The following GPHN variants were observed in gnomAD, a reference collection of about 807,000 sequenced individuals.
The protein encoded by GPHN is gephyrin.
GPHN carries 17 observed loss-of-function variants against 95.5 expected under a neutral mutation model. The observed-to-expected ratio is 0.18, with a 90% confidence interval of 0.12 to 0.27. The LOEUF is 0.27. Among genes scored for constraint, GPHN ranks in the 10% least tolerant of loss-of-function variants. The pLI is 1.00. For synonymous variants in GPHN, 320 were observed against 322.5 expected, an observed-to-expected ratio of 0.99 and a Z score of 0.08; for missense variants, 660 against 978.1, an observed-to-expected ratio of 0.67 and a Z score of 4.34.
At chr14:67,147,009 G>A (rs2080936920) in intron 18 of GPHN, among the ~76,000 whole-genome samples, 1 of 152,114 alleles carries the variant, frequency 6.6e-6, no homozygotes, top group Non-Finnish European at 1.5e-5. Context: ...CTCCTGCATG[G>A]GTGACAGAGG....
chr14:67,659,622 CAA>C, the GPHN span: 1 of 1,118,940 alleles, frequency 8.9e-7, no homozygotes, highest in African/African-American at 1.6e-5. Flanking sequence ...AAAAATGAAA[CAA>C]GAGTCTAGTA....
the GPHN span, chr14:67,542,077 G>A: frequency 7.8e-7 from 1 of 1,285,604 alleles, no homozygotes; most frequent in East Asian, 2.7e-5. Flanking sequence ...GAGAGTTGCG[G>A]AAAGTCAACT....
intron 10 of GPHN, among the ~76,000 whole-genome samples, chr14:67,041,450 G>C (rs534730696): frequency 6.6e-6 from 1 of 151,854 alleles, no homozygotes; most frequent in East Asian, 1.9e-4. Flanking sequence ...TCCCACTTAG[G>C]AGTGAGAACA....
At chr14:66,933,510 A>T (rs1311097191) in intron 8 of GPHN, among the ~76,000 whole-genome samples, 1 of 152,230 alleles carries the variant, frequency 6.6e-6, no homozygotes, top group Middle Eastern at 3.2e-3. Context: ...TCAGCTGGTC[A>T]CAATCTGAGG....
the GPHN span, chr14:67,593,915 A>G: frequency 1.2e-6 from 2 of 1,613,452 alleles, no homozygotes; most frequent in Non-Finnish European, 1.7e-6. Flanking sequence ...CAGACCTAAG[A>G]GGGTGATGAA....
At position 67,180,884 on chromosome 14, in the gene GPHN, G is replaced by T; in HGVS notation, c.2257G>T (p.Val753Leu). The change falls in exon 23 of 23, where the codon GTG becomes TTG. Residue 753 changes from valine to leucine, a missense_variant. This residue lies in a region of GPHN where 48 missense variants were observed against 137.4 expected (regional missense o/e 0.35). Coordinates refer to ENST00000478722, the MANE Select transcript of GPHN (RefSeq NM_020806.5). ...LMLPPKTEQY[V>L]ELHKGEVVDV... ...GCTACCTCCAAAGACAGAACAGTAC[G>T]TGGAGCTCCACAAAGGCGAGGTGGT... 1 of 1,613,950 alleles carries T rather than the reference G, an allele frequency of 6.2e-7. No homozygotes were observed. The highest frequency in any genetic ancestry group is 8.5e-7 in the Non-Finnish European group (1 of 1,179,896).
chr14:67,224,623 A>G, the GPHN span: 1 of 299,722 alleles, frequency 3.3e-6, no homozygotes, highest in Non-Finnish European at 6.5e-6. Context: ...CTTAACTTTT[A>G]AATTTTTTTT....
intron 2 of GPHN, among the ~76,000 whole-genome samples, chr14:66,747,257 A>G (rs1475074887): frequency 6.6e-6 from 1 of 152,174 alleles, no homozygotes; most frequent in Non-Finnish European, 1.5e-5. Context: ...TACTGGAATC[A>G]GGACCCCTAA....
At chr14:67,261,653 G>T in the GPHN span, among the ~76,000 whole-genome samples, 5 of 152,040 alleles carry the variant, frequency 3.3e-5, no homozygotes, top group Admixed American at 3.3e-4. Context: ...TTTTTATATT[G>T]TTGTAGGAAA....
the GPHN span, among the ~76,000 whole-genome samples, chr14:67,402,657 G>A: frequency 6.6e-6 from 1 of 152,044 alleles, no homozygotes; most frequent in Non-Finnish European, 1.5e-5. Flanking sequence ...TAGAGCTGGC[G>A]AATAAGTGAG....
At chr14:67,692,588 G>A in the GPHN span, 15 of 1,570,784 alleles carry the variant, frequency 9.5e-6, no homozygotes, top group East Asian at 2.3e-5. Context: ...AAATATACTC[G>A]AGCTCCTGTC....
At chr14:67,494,625 A>AC in the GPHN span, among the ~76,000 whole-genome samples, 244 of 152,336 alleles carry the variant, frequency 1.6e-3, 1 homozygote, top group African/African-American at 5.5e-3. Flanking sequence ...GGATGCCTAG[A>AC]CCAGCTCTTG....
chr14:67,034,204 T>C (rs1337401158), intron 10 of GPHN, among the ~76,000 whole-genome samples: 1 of 152,180 alleles, frequency 6.6e-6, no homozygotes, highest in African/African-American at 2.4e-5. Flanking sequence ...TGGTGGCATG[T>C]AAATCACATG....
chr14:67,719,515 C>A, the GPHN span, among the ~76,000 whole-genome samples: 7 of 152,034 alleles, frequency 4.6e-5, no homozygotes, highest in Non-Finnish European at 8.8e-5. Flanking sequence ...TGCTCTGTTG[C>A]CCAGGCTGGA....
chr14:67,545,473 T>C, the GPHN span, among the ~76,000 whole-genome samples: 1 of 151,754 alleles, frequency 6.6e-6, no homozygotes, highest in Non-Finnish European at 1.5e-5. Context: ...CTCAAATCAG[T>C]AGAGAGAGGA....
the GPHN span, among the ~76,000 whole-genome samples, chr14:67,272,902 T>G: frequency 1.9e-3 from 294 of 152,194 alleles, no homozygotes; most frequent in African/African-American, 7.0e-3. Flanking sequence ...CTACTAGTCT[T>G]AAGTGATCCA....
intron 1 of GPHN, among the ~76,000 whole-genome samples, chr14:66,560,509 T>A (rs1025643685): frequency 3.2e-4 from 49 of 152,240 alleles, no homozygotes; most frequent in East Asian, 1.4e-3. Context: ...GCCATTGTGA[T>A]TGGGAGTTCA....
intron 3 of GPHN, among the ~76,000 whole-genome samples, chr14:66,808,014 A>G (rs1409045034): frequency 6.6e-6 from 1 of 152,222 alleles, no homozygotes; most frequent in Non-Finnish European, 1.5e-5. Context: ...ATTTTATGAG[A>G]ACTCTATTTT....
the GPHN span, chr14:67,222,127 G>A: frequency 3.6e-6 from 1 of 274,846 alleles, no homozygotes; most frequent in Non-Finnish European, 6.8e-6. Context: ...AGTTCTGCAG[G>A]CAGAATGCAA....
Sources: allele counts gnomAD v4.1 joint callset (sites outside exome capture counted in the v4.1 genomes callset), GRCh38; gene constraint gnomAD v4.1.1; regional missense constraint gnomAD v4.1.1; transcripts MANE v1.5; gene names NCBI Gene and HGNC (gene_info 2026-07-23, HGNC 2026-07-21).